DENND5B: variants seen among roughly 807,000 people sequenced by gnomAD.
DENND5B encodes the protein DENN domain containing 5B.
Under a neutral mutation model 140.6 loss-of-function variants are expected in DENND5B, and 34 were observed. The ratio of observed to expected loss-of-function variants is 0.24; its 90% CI spans 0.18 to 0.32. DENND5B has a LOEUF of 0.32. Among genes scored for constraint, DENND5B ranks in the 10% least tolerant of loss-of-function variants. The pLI is 1.00. For synonymous variants in DENND5B, 551 were observed against 562.1 expected (o/e 0.98, Z 0.28); for missense variants, 1,142 against 1,560.2 (o/e 0.73, Z 4.52).
At position 31,384,551 on chromosome 12, in the gene DENND5B, GAAT is replaced by G. The variant is rs1425208597; in HGVS notation, c.*3049_*3051del. On this transcript the variant is annotated 3_prime_UTR_variant, in exon 21 of 21. Transcript: ENST00000389082. The stretch of plus-strand genomic sequence containing the variant: ...GTTTATAGCACAGGCTGTATCAACG[GAAT>G]AAGTACATGGGCTCACAAGGTGACT... 1 of 152,172 alleles carries G rather than the reference GAAT, an allele frequency of 6.6e-6. No homozygotes were observed. Among genetic ancestry groups the G allele is most frequent in the Non-Finnish European group, 1.5e-5 (1 of 68,046 alleles). The allele number at this position is 152,172 out of a possible 1,614,324, so 9.4% of individuals were successfully genotyped here.
chr12:31,427,959 T>TA (rs966758415), intron 8 of DENND5B, among the ~76,000 whole-genome samples: 13 of 152,138 alleles, frequency 8.5e-5, no homozygotes, highest in African/African-American at 2.9e-4. Context: ...CTGGTACAAA[T>TA]AAAAAAAATC....
chr12:31,590,398 A>C, intron 1 of DENND5B: 1 of 193,042 alleles, frequency 5.2e-6, no homozygotes, highest in Non-Finnish European at 1.1e-5. Flanking sequence ...GCCGCCTCCG[A>C]GTGCGGCTGC....
intron 7 of DENND5B, among the ~76,000 whole-genome samples, chr12:31,437,096 T>C (rs535663055): frequency 1.3e-5 from 2 of 152,090 alleles, no homozygotes; most frequent in South Asian, 4.2e-4. Flanking sequence ...GCCAGTATCT[T>C]GTCTGTCAGC....
intron 1 of DENND5B, among the ~76,000 whole-genome samples, chr12:31,561,055 C>T (rs1355890187): frequency 6.6e-6 from 1 of 152,112 alleles, no homozygotes; most frequent in Non-Finnish European, 1.5e-5. Context: ...TTGCTGGAAC[C>T]TTTGTCAAGA....
chr12:31,478,279 A>G lies in DENND5B; in HGVS notation c.904+1310T>C, dbSNP rs919300881. Among the ~76,000 whole-genome samples the G allele has an allele frequency of 2.0e-5, 3 of 152,322 alleles. No homozygotes were observed. In the South Asian group the frequency reaches 6.2e-4, roughly 32 times the overall value. ...ATACACACAAGATGGGGAAGTACAA[A>G]TATAGTCTACTTGGCTCAGCCCCAC... On this transcript the variant is annotated intron_variant, in intron 3 of 20. Coordinates refer to ENST00000389082, the MANE Select transcript of DENND5B (RefSeq NM_144973.4).
intron 1 of DENND5B, among the ~76,000 whole-genome samples, chr12:31,536,397 CA>C (rs1382000620): frequency 6.6e-6 from 1 of 151,872 alleles, no homozygotes; most frequent in Non-Finnish European, 1.5e-5. Flanking sequence ...AAGAACTACG[CA>C]GAAATTCTGG....
intron 12 of DENND5B, among the ~76,000 whole-genome samples, chr12:31,415,090 G>A (rs1593104568): frequency 6.6e-6 from 1 of 151,902 alleles, no homozygotes; most frequent in East Asian, 1.9e-4. Context: ...ATTCCAGCCT[G>A]GGTGACAAAG....
At chr12:31,422,030 AAT>A (rs1433651731) in intron 11 of DENND5B, among the ~76,000 whole-genome samples, 1 of 152,148 alleles carries the variant, frequency 6.6e-6, no homozygotes, top group Non-Finnish European at 1.5e-5. Flanking sequence ...TGTCTGATTA[AAT>A]ACATTTAAAC....
intron 1 of DENND5B, among the ~76,000 whole-genome samples, chr12:31,522,009 C>G (rs779232337): frequency 6.6e-6 from 1 of 152,082 alleles, no homozygotes; most frequent in African/African-American, 2.4e-5. Context: ...CTATTTACTA[C>G]CCTTCCTCTT....
chr12:31,433,168 T>C lies in DENND5B; in HGVS notation c.2093A>G (p.Asn698Ser). ...RQHSEHVGLD[N>S]DLREKYMQEA... ...TAGACCACATACCTCCCTCAAGTCG[T>C]TGTCCAGCCCAACATGCTCAGAATG... Residue 698 changes from asparagine to serine, a missense_variant, in exon 8 of 21, where the codon AAC becomes AGC. Physicochemically the swap from Asn to Ser is conservative, Grantham distance 46. Around this residue, in one of 5 missense-constraint regions of DENND5B, gnomAD observed 708 missense variants for 905.5 expected, o/e 0.78. Transcript: ENST00000389082. 6.2e-7 allele frequency: 1 copy of C among 1,613,948 alleles called. No homozygotes were observed. The highest frequency in any genetic ancestry group is 8.5e-7 in the Non-Finnish European group (1 of 1,179,870).
At chr12:31,478,268 G>A (rs377065612) in intron 3 of DENND5B, among the ~76,000 whole-genome samples, 12 of 152,044 alleles carry the variant, frequency 7.9e-5, no homozygotes, top group East Asian at 3.9e-4. Context: ...ACACAAGATG[G>A]GGAAGTACAA....
chr12:31,415,439 C>A lies in DENND5B; in HGVS notation c.2480G>T (p.Gly827Val). Reference sequence around the variant, plus strand: ...TGAGTCAGATTTTCTTCTTTCTGGTCCGAGGGCAACTATGTAGAAAAATAT... The same window carrying A: ...TGAGTCAGATTTTCTTCTTTCTGGTACGAGGGCAACTATGTAGAAAAATAT... ...EHLAESPVALGPERRKSDSGV... is the reference protein window; with the variant it reads ...EHLAESPVALVPERRKSDSGV... Residue 827 changes from glycine to valine, a missense_variant, in exon 12 of 21, where the codon GGA becomes GTA. Gly to Val is a moderately radical substitution (Grantham distance 109). Coordinates refer to ENST00000389082, the MANE Select transcript of DENND5B (RefSeq NM_144973.4). 1 of 1,606,172 alleles carries A rather than the reference C, an allele frequency of 6.2e-7. No homozygotes were observed. Among genetic ancestry groups the A allele is most frequent in the South Asian group, 1.1e-5 (1 of 89,470 alleles).
intron 1 of DENND5B, among the ~76,000 whole-genome samples, chr12:31,527,464 C>A (rs1040143200): frequency 2.0e-5 from 3 of 152,130 alleles, no homozygotes; most frequent in African/African-American, 7.2e-5. Flanking sequence ...GACTTTCAAA[C>A]AGAGGAATGC....
At chr12:31,462,531 T>G (rs949337874) in intron 3 of DENND5B, among the ~76,000 whole-genome samples, 4 of 152,054 alleles carry the variant, frequency 2.6e-5, no homozygotes, top group Non-Finnish European at 4.4e-5. Context: ...AAGGACAGAG[T>G]GGCATCCACT....
chr12:31,519,771 ATTT>A (rs937692594), intron 1 of DENND5B, among the ~76,000 whole-genome samples: 1 of 152,172 alleles, frequency 6.6e-6, no homozygotes, highest in Admixed American at 6.5e-5. Context: ...ATGCTTCAGA[ATTT>A]TTTTATAACA....
At chr12:31,590,619 T>C in intron 1 of DENND5B, 87 bp downstream of exon 1, 1 of 1,348,342 alleles carries the variant, frequency 7.4e-7, no homozygotes. Flanking sequence ...TGACTTTGTC[T>C]GGAGCCTGCA....
intron 8 of DENND5B, among the ~76,000 whole-genome samples, chr12:31,431,517 A>G (rs1943510451): frequency 1.3e-5 from 2 of 152,182 alleles, no homozygotes; most frequent in Admixed American, 1.3e-4. Context: ...TTGGACTTCA[A>G]TTTAATCATG....
intron 19 of DENND5B, 140 bp downstream of exon 19, chr12:31,392,127 A>C (rs1199491434): frequency 5.8e-6 from 5 of 854,926 alleles, no homozygotes; most frequent in Non-Finnish European, 8.0e-6. Flanking sequence ...CAACAGAGTA[A>C]GATTCCGTCT....
At chr12:31,574,421 C>T (rs1231014267) in intron 1 of DENND5B, among the ~76,000 whole-genome samples, 1 of 151,684 alleles carries the variant, frequency 6.6e-6, no homozygotes, top group Non-Finnish European at 1.5e-5. Flanking sequence ...AAAACCCTGT[C>T]TCTACTAAAA....
Sources: allele counts gnomAD v4.1 joint callset (sites outside exome capture counted in the v4.1 genomes callset), GRCh38; gene constraint gnomAD v4.1.1; regional missense constraint gnomAD v4.1.1; transcripts MANE v1.5; gene names NCBI Gene and HGNC (gene_info 2026-07-23, HGNC 2026-07-21).